The following STPG4 variants were observed in gnomAD, a reference collection of about 807,000 sequenced individuals.
STPG4 encodes protein STPG4.
In STPG4, 41 loss-of-function variants were observed where a neutral mutation model predicts 31.5. The ratio of observed to expected loss-of-function variants is 1.30; its 90% CI spans 1.01 to 1.69. The LOEUF (loss-of-function observed/expected upper bound fraction) is 1.69. Ranked by LOEUF, STPG4 falls within the 40% of genes most tolerant of loss-of-function variation. The pLI is 0.00. For missense variants in STPG4, 375 were observed against 293.4 expected, an observed-to-expected ratio of 1.28 and a Z score of -2.03; for synonymous variants, 141 against 103.0, an observed-to-expected ratio of 1.37 and a Z score of -2.24.
chr2:47,113,129 A>AT (rs1353630023), intron 5 of STPG4, among the ~76,000 whole-genome samples: 6 of 152,126 alleles, frequency 3.9e-5, no homozygotes, highest in Admixed American at 2.0e-4. Flanking sequence ...AATTCAACAC[A>AT]TTTTTTCAGC....
intron 3 of STPG4, among the ~76,000 whole-genome samples, chr2:47,132,019 G>C (rs1686495047): frequency 6.6e-6 from 1 of 152,160 alleles, no homozygotes; most frequent in African/African-American, 2.4e-5. Context: ...ACAATGATTA[G>C]CCAGGCGTGG....
chr2:47,139,672 G>A lies in STPG4; in HGVS notation c.400-9412C>T, dbSNP rs1053952390. ...AGATCTCACGAATCAGATCCTCCAC[G>A]CAGATGATGCCATATTTACCAAGAG... On this transcript the variant is annotated intron_variant, in intron 3 of 6. Transcript: ENST00000445927. 3.3e-5 allele frequency among the ~76,000 whole-genome samples: 5 copies of A among 151,790 alleles called. No homozygotes were observed. The East Asian group carries it at 7.7e-4, about 23-fold the overall frequency.
intron 3 of STPG4, among the ~76,000 whole-genome samples, chr2:47,144,737 T>C (rs1573197297): frequency 6.6e-6 from 1 of 152,124 alleles, no homozygotes; most frequent in Non-Finnish European, 1.5e-5. Context: ...GTTTTTTTGT[T>C]TTTTGTTTTT....
chr2:47,154,617 G>GC (rs1452500162), intron 1 of STPG4, among the ~76,000 whole-genome samples: 1 of 152,224 alleles, frequency 6.6e-6, no homozygotes, highest in Non-Finnish European at 1.5e-5. Flanking sequence ...TGTAATCCCA[G>GC]CTACGCGGGA....
At chr2:47,155,026 G>A (rs751447131) in intron 1 of STPG4, 145 bp downstream of exon 1, 8 of 679,674 alleles carry the variant, frequency 1.2e-5, no homozygotes, top group Non-Finnish European at 1.8e-5. Flanking sequence ...TCCGCAGGTG[G>A]AGACGTGCGT....
chr2:47,151,622 G>A, intron 2 of STPG4, 107 bp from the exon 3 acceptor site: 2 of 893,238 alleles, frequency 2.2e-6, no homozygotes, highest in Non-Finnish European at 3.5e-6. Flanking sequence ...TTGTTTTCAA[G>A]TTTAATGAAA....
At chr2:47,087,510 C>A (rs563734256) in intron 6 of STPG4, among the ~76,000 whole-genome samples, 1 of 152,326 alleles carries the variant, frequency 6.6e-6, no homozygotes, top group Non-Finnish European at 1.5e-5. Flanking sequence ...TGACCTCAGC[C>A]TAGCAAGAAG....
chr2:47,092,742 A>T (rs890971967), intron 5 of STPG4, among the ~76,000 whole-genome samples: 2 of 151,938 alleles, frequency 1.3e-5, no homozygotes, highest in African/African-American at 4.8e-5. Context: ...GCTGGCCACA[A>T]ATGAGCACCA....
At chr2:47,097,582 G>A (rs551435091) in intron 5 of STPG4, among the ~76,000 whole-genome samples, 2 of 152,116 alleles carry the variant, frequency 1.3e-5, no homozygotes, top group Non-Finnish European at 2.9e-5. Context: ...CTCTTATGGT[G>A]GAAGCTTCTG....
chr2:47,150,623 C>CT (rs1471732211), intron 3 of STPG4, among the ~76,000 whole-genome samples: 12 of 151,496 alleles, frequency 7.9e-5, no homozygotes, highest in African/African-American at 2.4e-4. Flanking sequence ...TCAAGGGATC[C>CT]TCCTGCCCTG....
intron 5 of STPG4, among the ~76,000 whole-genome samples, chr2:47,124,614 C>T (rs11884958): frequency 0.15 from 23,124 of 152,118 alleles, 1,943 homozygotes; most frequent in African/African-American, 0.2. Context: ...CTCATTATTT[C>T]TTATGGCTGT....
At chr2:47,112,767 G>A (rs1049301216) in intron 5 of STPG4, among the ~76,000 whole-genome samples, 14 of 152,042 alleles carry the variant, frequency 9.2e-5, no homozygotes. Context: ...CATTTCAGAA[G>A]AATTAGAGAA....
chr2:47,149,683 T>G (rs1464269085), intron 3 of STPG4, among the ~76,000 whole-genome samples: 1 of 152,244 alleles, frequency 6.6e-6, no homozygotes, highest in East Asian at 1.9e-4. Context: ...TCAGCTGCAA[T>G]ACATTTCTCT....
At chr2:47,119,192 C>G (rs1322013679) in intron 5 of STPG4, among the ~76,000 whole-genome samples, 1 of 152,228 alleles carries the variant, frequency 6.6e-6, no homozygotes, top group African/African-American at 2.4e-5. Context: ...CATAAGTCTG[C>G]TCTGGGAATG....
At chr2:47,133,570 C>CTTTTTTTTTTTTTTTTTTTTTTTTT (rs10682288) in intron 3 of STPG4, among the ~76,000 whole-genome samples, 1 of 67,154 alleles carries the variant, frequency 1.5e-5, no homozygotes, top group Non-Finnish European at 2.5e-5. Flanking sequence ...GCACTCAAAT[C>CTTTTTTTTTTTTTTTTTTTTTTTTT]TTTTTTTTTT....
At chr2:47,105,519 TG>T (rs1685891228) in intron 5 of STPG4, among the ~76,000 whole-genome samples, 1 of 152,042 alleles carries the variant, frequency 6.6e-6, no homozygotes, top group African/African-American at 2.4e-5. Context: ...TCCCAGAGGA[TG>T]GGGAACCAAT....
chr2:47,124,988 T>C (rs1686338625), intron 5 of STPG4, among the ~76,000 whole-genome samples: 1 of 152,226 alleles, frequency 6.6e-6, no homozygotes. Context: ...TGATATCTCA[T>C]TGTAGTTTTG....
intron 5 of STPG4, among the ~76,000 whole-genome samples, chr2:47,107,975 C>G (rs1044228587): frequency 1.3e-5 from 2 of 151,800 alleles, no homozygotes; most frequent in Admixed American, 1.3e-4. Context: ...CACTCTGTAT[C>G]TAGCTCAAGG....
intron 3 of STPG4, among the ~76,000 whole-genome samples, chr2:47,148,909 A>G (rs1405801009): frequency 6.6e-6 from 1 of 152,244 alleles, no homozygotes; most frequent in Non-Finnish European, 1.5e-5. Context: ...TATTACAAAT[A>G]AAAAGCAGCC....
Sources: allele counts gnomAD v4.1 joint callset (sites outside exome capture counted in the v4.1 genomes callset), GRCh38; gene constraint gnomAD v4.1.1; transcripts MANE v1.5; gene names NCBI Gene and HGNC (gene_info 2026-07-23, HGNC 2026-07-21).